The following OGDH variants were observed in gnomAD, a reference collection of about 807,000 sequenced individuals.
The protein encoded by OGDH is oxoglutarate dehydrogenase.
OGDH carries 38 observed loss-of-function variants against 116.6 expected under a neutral mutation model. That is an observed-to-expected ratio of 0.33 (90% CI 0.25 to 0.43). The LOEUF is 0.43. OGDH is among the 20% of genes least tolerant of loss of function. The pLI, the probability that OGDH is intolerant of heterozygous loss-of-function variation, is 1.00. For synonymous variants in OGDH, 488 were observed against 533.3 expected (o/e 0.92, Z 1.17); for missense variants, 825 against 1,357.2 (o/e 0.61, Z 6.16).
intron 10 of OGDH, among the ~76,000 whole-genome samples, chr7:44,684,158 A>G (rs112183416): frequency 1.3e-3 from 204 of 152,302 alleles, no homozygotes; most frequent in African/African-American, 4.2e-3. Flanking sequence ...AGGAGTGGAC[A>G]AGGCCATCGC....
chr7:44,634,648 T>C (rs1785585866), intron 2 of OGDH, among the ~76,000 whole-genome samples: 1 of 152,218 alleles, frequency 6.6e-6, no homozygotes, highest in South Asian at 2.1e-4. Context: ...AATACCTAAA[T>C]AGAAGCCCAT....
chr7:44,647,971 T>A (rs1385805608), intron 4 of OGDH, among the ~76,000 whole-genome samples: 1 of 152,234 alleles, frequency 6.6e-6, no homozygotes, highest in Non-Finnish European at 1.5e-5. Context: ...GTCTCAAAAT[T>A]TGAAAATAAA....
In OGDH at chr7:44,697,102, T is replaced by C. The variant is rs1182106010; in HGVS notation, c.2051+38T>C. The C allele has an allele frequency of 6.3e-7, 1 of 1,596,288 alleles. No homozygotes were observed. Among genetic ancestry groups the C allele is most frequent in the Non-Finnish European group, 8.6e-7 (1 of 1,166,398 alleles). ...GCAGTTTTGTTTGCCCTCCAAAGAG[T>C]AGAAGATGGAAAGGGAGGGGTTCTG... On this transcript the variant is annotated intron_variant, in intron 15 of 22. Transcript: ENST00000222673. This position sits in a 1 kb window ranked among gnomAD's most constrained non-coding sequence, Gnocchi z 6.0.
chr7:44,658,623 G>T (rs1332502325), intron 4 of OGDH, among the ~76,000 whole-genome samples: 2 of 152,016 alleles, frequency 1.3e-5, no homozygotes, highest in Non-Finnish European at 2.9e-5. Flanking sequence ...AGGTAAGAGT[G>T]GATAGCCTTA....
chr7:44,681,238 G>A (rs187851125), intron 9 of OGDH, among the ~76,000 whole-genome samples: 1 of 152,340 alleles, frequency 6.6e-6, no homozygotes, highest in South Asian at 2.1e-4. Flanking sequence ...AGCCTCCCAG[G>A]TGAGCAGAGT....
At chr7:44,701,729 C>A in intron 20 of OGDH, 114 bp downstream of exon 20, 1 of 1,082,124 alleles carries the variant, frequency 9.2e-7, no homozygotes, top group Non-Finnish European at 1.4e-6. Context: ...TGGCTCTTGC[C>A]AGATTTTTGG....
At chr7:44,622,320 T>C (rs879343512) in intron 1 of OGDH, among the ~76,000 whole-genome samples, 3 of 152,130 alleles carry the variant, frequency 2.0e-5, no homozygotes, top group Non-Finnish European at 2.9e-5. Context: ...TAGTTGGAGG[T>C]AGGAAGAACT....
At position 44,688,477 on chromosome 7, in the gene OGDH, C is replaced by G. The variant is rs1788230149; in HGVS notation, c.1336-5348C>G. On this transcript the variant is annotated intron_variant, in intron 10 of 22. Transcript: ENST00000222673. ...ACGGAGTCTCGCTCTGTCGCCCAAG[C>G]TGGAGTGCAGTGGTGTGATCTCGGC... 2.9e-5 allele frequency among the ~76,000 whole-genome samples: 4 copies of G among 139,362 alleles called. No homozygotes were observed. The South Asian group carries it at 6.8e-4, about 24-fold the overall frequency. The allele number at this position is 139,362 out of a possible 152,430, so 91.4% of individuals were successfully genotyped here.
In OGDH at chr7:44,671,808, G is replaced by T. The variant is rs1187089288; in HGVS notation, c.634-1979G>T. 8.9e-5 allele frequency among the ~76,000 whole-genome samples: 13 copies of T among 146,764 alleles called. No individual in the cohort carries two copies. In the East Asian group the frequency reaches 2.4e-3, roughly 28 times the overall value. On this transcript the variant is annotated intron_variant, in intron 5 of 22. Transcript: ENST00000222673. Reference sequence around the variant, plus strand: ...AAAAATGCCAGACGCGGTGGCTCACGCCTGTAATCCCAGCACTTTGGGAGG... The same window carrying T: ...AAAAATGCCAGACGCGGTGGCTCACTCCTGTAATCCCAGCACTTTGGGAGG...
intron 4 of OGDH, among the ~76,000 whole-genome samples, chr7:44,663,698 C>G (rs527654114): frequency 6.6e-6 from 1 of 152,086 alleles, no homozygotes; most frequent in Non-Finnish European, 1.5e-5. Context: ...TGCTCAAGCC[C>G]GAGAGGCGGA....
chr7:44,686,639 C>T (rs1054667898), intron 10 of OGDH, among the ~76,000 whole-genome samples: 3 of 150,476 alleles, frequency 2.0e-5, no homozygotes, highest in African/African-American at 4.9e-5. Context: ...CACTGAAAGA[C>T]TTCTGGGCTT....
chr7:44,668,335 G>T (rs949433502), intron 5 of OGDH, among the ~76,000 whole-genome samples: 2 of 152,198 alleles, frequency 1.3e-5, no homozygotes, highest in Admixed American at 1.3e-4. Flanking sequence ...TACATGGGAG[G>T]CTGACGCAGA....
chr7:44,642,776 G>T (rs1786002855), intron 2 of OGDH, among the ~76,000 whole-genome samples: 1 of 151,996 alleles, frequency 6.6e-6, no homozygotes, highest in African/African-American at 2.4e-5. Context: ...ACAAAAATTA[G>T]CTGGGCATGG....
At chr7:44,608,252 A>G (rs901723566) in intron 1 of OGDH, among the ~76,000 whole-genome samples, 1 of 152,116 alleles carries the variant, frequency 6.6e-6, no homozygotes, top group African/African-American at 2.4e-5. Context: ...AAATAAAATT[A>G]TCCGGATATG....
intron 5 of OGDH, among the ~76,000 whole-genome samples, chr7:44,670,608 G>A (rs533353367): frequency 1.3e-5 from 2 of 152,322 alleles, no homozygotes; most frequent in Middle Eastern, 3.4e-3. Context: ...ACAGTGGACT[G>A]ATGTTGACTC....
At chr7:44,659,899 T>C (rs1786862034) in intron 4 of OGDH, among the ~76,000 whole-genome samples, 2 of 152,236 alleles carry the variant, frequency 1.3e-5, no homozygotes, top group Non-Finnish European at 2.9e-5. Context: ...TTGGTTTTTT[T>C]CTGTTGTTTT....
intron 1 of OGDH, among the ~76,000 whole-genome samples, chr7:44,624,087 A>G (rs1369201187): frequency 1.3e-5 from 2 of 152,128 alleles, no homozygotes; most frequent in Admixed American, 6.6e-5. Context: ...TCTCAGGCAC[A>G]TGAACTGGTG....
At chr7:44,611,072 ATT>A (rs56803296) in intron 1 of OGDH, among the ~76,000 whole-genome samples, 196 of 122,860 alleles carry the variant, frequency 1.6e-3, no homozygotes, top group African/African-American at 2.3e-3. Flanking sequence ...ATTTTTCTAA[ATT>A]TTTTTTTTTT....
chr7:44,616,928 A>T (rs1784828139), intron 1 of OGDH, among the ~76,000 whole-genome samples: 1 of 121,104 alleles, frequency 8.3e-6, no homozygotes, highest in Non-Finnish European at 1.7e-5. Flanking sequence ...TCCATCCTGG[A>T]CGACAGAGCG....
Sources: gnomAD v4.1 joint callset for allele counts (sites outside exome capture counted in the v4.1 genomes callset) on GRCh38, gnomAD v4.1.1 for gene constraint, Gnocchi (gnomAD v3.1) non-coding constraint, MANE v1.5 for transcripts, NCBI Gene and HGNC (gene_info 2026-07-23, HGNC 2026-07-21) for gene names.